ATP2B2: variants seen among roughly 807,000 people sequenced by gnomAD.
ATP2B2 encodes plasma membrane calcium-transporting ATPase 2.
ATP2B2 carries 15 observed loss-of-function variants against 120.0 expected under a neutral mutation model. The observed-to-expected ratio is 0.12, with a 90% CI of 0.08 to 0.19. The LOEUF (loss-of-function observed/expected upper bound fraction) is 0.19. Among genes scored for constraint, ATP2B2 ranks in the 10% least tolerant of loss-of-function variants. The pLI, the probability that ATP2B2 is intolerant of heterozygous loss-of-function variation, is 1.00. For synonymous variants in ATP2B2, 694 were observed against 700.3 expected (o/e 0.99, Z 0.14); for missense variants, 1,045 against 1,719.8 (o/e 0.61, Z 6.94).
chr3:10,690,610 G>A (rs538161461), intron 1 of ATP2B2, among the ~76,000 whole-genome samples: 2 of 152,164 alleles, frequency 1.3e-5, no homozygotes, highest in African/African-American at 4.8e-5. Context: ...ATGATTAAAC[G>A]GCATGAGGCA....
At chr3:10,697,927 G>A (rs1192523559) in intron 1 of ATP2B2, among the ~76,000 whole-genome samples, 2 of 152,236 alleles carry the variant, frequency 1.3e-5, no homozygotes, top group African/African-American at 2.4e-5. Context: ...GAAGGAATAA[G>A]TCTCAATCCT....
intron 12 of ATP2B2, among the ~76,000 whole-genome samples, chr3:10,362,832 G>A (rs1165310987): frequency 1.3e-5 from 2 of 152,102 alleles, no homozygotes; most frequent in African/African-American, 4.8e-5. Context: ...TCTGCAGTAT[G>A]CTGTTATTGT....
intron 1 of ATP2B2, among the ~76,000 whole-genome samples, chr3:10,660,320 G>T (rs1466808348): frequency 6.6e-6 from 1 of 151,906 alleles, no homozygotes; most frequent in African/African-American, 2.4e-5. Flanking sequence ...CTGTTTTTTT[G>T]AAAAGATCAA....
At chr3:10,345,947 G>C in intron 17 of ATP2B2, 84 bp downstream of exon 17, 11 of 1,368,336 alleles carry the variant, frequency 8.0e-6, no homozygotes, top group Non-Finnish European at 1.1e-5. Context: ...GTGTGAACTG[G>C]GGCTCCTGAG....
intron 2 of ATP2B2, among the ~76,000 whole-genome samples, chr3:10,544,756 T>C (rs1157587054): frequency 1.3e-5 from 2 of 152,216 alleles, no homozygotes; most frequent in African/African-American, 4.8e-5. Context: ...GCTCTGCAGC[T>C]CAGCCAAGCC....
intron 2 of ATP2B2, among the ~76,000 whole-genome samples, chr3:10,596,832 A>G (rs938988678): frequency 3.3e-5 from 5 of 152,212 alleles, no homozygotes; most frequent in African/African-American, 1.2e-4. Flanking sequence ...AGTCAAGAAA[A>G]TCTTTCCCAA....
intron 2 of ATP2B2, among the ~76,000 whole-genome samples, chr3:10,583,633 C>T (rs2068441920): frequency 6.6e-6 from 1 of 152,170 alleles, no homozygotes; most frequent in Admixed American, 6.5e-5. Flanking sequence ...GAACGTAGGA[C>T]AACTTTGCAA....
At chr3:10,465,190 C>G (rs1034185909) in intron 1 of ATP2B2, among the ~76,000 whole-genome samples, 8 of 152,220 alleles carry the variant, frequency 5.3e-5, no homozygotes, top group African/African-American at 1.9e-4. Context: ...CCAGATCCCT[C>G]AGCCAGAACG....
intron 1 of ATP2B2, among the ~76,000 whole-genome samples, chr3:10,505,036 C>T (rs1033239998): frequency 2.2e-4 from 34 of 152,330 alleles, no homozygotes; most frequent in African/African-American, 8.2e-4. Context: ...CCCTCCAGTC[C>T]TCTTGGTCTC....
chr3:10,331,967 G>A (rs1249107851), intron 22 of ATP2B2: 14 of 1,548,922 alleles, frequency 9.0e-6, no homozygotes, highest in Non-Finnish European at 1.2e-5. Flanking sequence ...CAGGCTCAAG[G>A]TTAAAGACTC....
intron 1 of ATP2B2, among the ~76,000 whole-genome samples, chr3:10,654,245 G>C (rs2070548424): frequency 6.6e-6 from 1 of 152,086 alleles, no homozygotes; most frequent in African/African-American, 2.4e-5. Context: ...TCCTTACTAG[G>C]GTATTTTTAT....
At chr3:10,345,944 C>G in intron 17 of ATP2B2, 87 bp downstream of exon 17, 1 of 1,357,306 alleles carries the variant, frequency 7.4e-7, no homozygotes, top group South Asian at 1.3e-5. Context: ...CAAGTGTGAA[C>G]TGGGGCTCCT....
At chr3:10,473,371 C>T (rs1412055606) in intron 1 of ATP2B2, among the ~76,000 whole-genome samples, 2 of 152,218 alleles carry the variant, frequency 1.3e-5, no homozygotes, top group Non-Finnish European at 2.9e-5. Flanking sequence ...GCGGCTCATG[C>T]CTGTAATCCC....
Position 10,327,514 on chromosome 3 carries a change from G to A in ATP2B2, c.*1300C>T, listed in dbSNP as rs984960347. 3.3e-5 allele frequency: 5 copies of A among 152,304 alleles called. 1 individual carries two copies. The South Asian group carries it at 8.3e-4, about 25-fold the overall frequency. 9.4% of individuals were successfully genotyped at this position (152,304 alleles called of 1,614,324 possible). ...ACAGCTCAGATGCTGCCATTAATAA[G>A]GAAACAAACCTGTAAGTTACTAAAT... On this transcript the variant is annotated 3_prime_UTR_variant, in exon 23 of 23. Transcript: ENST00000360273.
intron 1 of ATP2B2, among the ~76,000 whole-genome samples, chr3:10,690,811 G>C (rs971592103): frequency 6.6e-6 from 1 of 152,142 alleles, no homozygotes; most frequent in Non-Finnish European, 1.5e-5. Context: ...TGAATTATAT[G>C]AATTCTCACC....
chr3:10,455,813 G>T (rs1292805558), intron 1 of ATP2B2, among the ~76,000 whole-genome samples: 1 of 152,224 alleles, frequency 6.6e-6, no homozygotes, highest in Non-Finnish European at 1.5e-5. Context: ...AGCTCCAGTG[G>T]TGTGACCCTG....
intron 1 of ATP2B2, among the ~76,000 whole-genome samples, chr3:10,498,114 A>G (rs1023712766): frequency 5.3e-5 from 8 of 152,274 alleles, no homozygotes; most frequent in Admixed American, 5.2e-4. Flanking sequence ...TGGCTTCAGA[A>G]ATGTCAAAAT....
intron 1 of ATP2B2, among the ~76,000 whole-genome samples, chr3:10,459,622 T>C (rs1352777703): frequency 1.3e-5 from 2 of 152,266 alleles, no homozygotes; most frequent in Non-Finnish European, 2.9e-5. Flanking sequence ...CACTGTCCTC[T>C]TCTGCCCTCA....
chr3:10,338,370 C>A lies in ATP2B2; in HGVS notation c.3238-12G>T, dbSNP rs1310926171. ...ATGGTGGCGATGACCTGCAAGGGAC[C>A]CTGTCTGTCAGGACGGTGGGGCTGT... On this transcript the variant is annotated splice_polypyrimidine_tract_variant and intron_variant, in intron 21 of 22. Coordinates refer to ENST00000360273, the MANE Select transcript of ATP2B2 (RefSeq NM_001001331.4). The A allele has an allele frequency of 1.2e-6, 2 of 1,614,110 alleles. No individual in the cohort carries two copies. The highest frequency in any genetic ancestry group is 1.7e-6 in the Non-Finnish European group (2 of 1,180,028).
Sources: allele counts gnomAD v4.1 joint callset (sites outside exome capture counted in the v4.1 genomes callset), GRCh38; gene constraint gnomAD v4.1.1; transcripts MANE v1.5; gene names NCBI Gene and HGNC (gene_info 2026-07-23, HGNC 2026-07-21).